The following ZNF800 variants were observed in gnomAD, a reference collection of about 807,000 sequenced individuals.
The protein encoded by ZNF800 is zinc finger protein 800.
Under a neutral mutation model 59.5 loss-of-function variants are expected in ZNF800, and 13 were observed. The ratio of observed to expected loss-of-function variants is 0.22; its 90% CI spans 0.14 to 0.35. The LOEUF (loss-of-function observed/expected upper bound fraction) is 0.35. Among genes scored for constraint, ZNF800 ranks in the 10% least tolerant of loss-of-function variants. The probability of loss-of-function intolerance (pLI) is 1.00; values close to 1 mark genes in which losing one functional copy is unlikely to be tolerated. For synonymous variants in ZNF800, 266 were observed against 265.7 expected, an observed-to-expected ratio of 1.00 and a Z score of -0.01; for missense variants, 621 against 783.7, an observed-to-expected ratio of 0.79 and a Z score of 2.48.
chr7:127,354,452 G>A (rs1200428162), intron 1 of ZNF800, among the ~76,000 whole-genome samples: 1 of 151,666 alleles, frequency 6.6e-6, no homozygotes, highest in South Asian at 2.1e-4. Flanking sequence ...AAAATCCCGG[G>A]CTCTACAATT....
intron 1 of ZNF800, chr7:127,364,827 T>A (rs1190613354): frequency 6.6e-6 from 1 of 152,092 alleles, no homozygotes; most frequent in African/African-American, 2.4e-5. Flanking sequence ...TCTTCTACTT[T>A]TTGTCATGAT....
chr7:127,376,209 T>C (rs779627084), intron 4 of ZNF800, among the ~76,000 whole-genome samples: 63 of 151,970 alleles, frequency 4.1e-4, no homozygotes, highest in Non-Finnish European at 6.5e-4. Context: ...CTGTATAATA[T>C]AACTTTAAGC....
At chr7:127,383,260 CA>C (rs1232043015) in intron 3 of ZNF800, among the ~76,000 whole-genome samples, 1 of 150,972 alleles carries the variant, frequency 6.6e-6, no homozygotes, top group East Asian at 1.9e-4. Flanking sequence ...GAAGGTGAGA[CA>C]CAAAAGGAGA....
chr7:127,386,789 T>G (rs1361642515), intron 2 of ZNF800, among the ~76,000 whole-genome samples: 1 of 152,234 alleles, frequency 6.6e-6, no homozygotes, highest in Non-Finnish European at 1.5e-5. Flanking sequence ...GACTTTTTCA[T>G]GGCTGTTAGA....
At chr7:127,383,319 A>C (rs1801027853) in intron 3 of ZNF800, among the ~76,000 whole-genome samples, 1 of 152,244 alleles carries the variant, frequency 6.6e-6, no homozygotes, top group East Asian at 1.9e-4. Flanking sequence ...ATAAAGGTAG[A>C]TAACCTAACA....
chr7:127,371,766 T>C lies in ZNF800; in HGVS notation c.*48A>G. ...GTGGTTCTAACACCAATTTAAAGTC[T>C]TTCCACAAAAATGAACTCCAAACCT... is the stretch of plus-strand genomic sequence containing the variant. On this transcript the variant is annotated 3_prime_UTR_variant, in exon 6 of 6. Transcript: ENST00000265827. 1 of 750,776 alleles carries C rather than the reference T, an allele frequency of 1.3e-6. No homozygotes were observed. Among genetic ancestry groups the C allele is most frequent in the Non-Finnish European group, 2.5e-6 (1 of 406,460 alleles). The allele number at this position is 750,776 out of a possible 1,614,324, so 46.5% of individuals were successfully genotyped here.
intron 2 of ZNF800, 89 bp from the exon 3 acceptor site, chr7:127,386,244 C>A (rs921368747): frequency 9.7e-6 from 7 of 723,478 alleles, no homozygotes; most frequent in African/African-American, 5.4e-5. Context: ...TGGCTTTCTA[C>A]AATTACATTA....
In ZNF800 at chr7:127,372,476, G is replaced by A. The variant is rs1373376900; in HGVS notation, c.*-662C>T. 60 of 404,434 alleles carry A rather than the reference G, an allele frequency of 1.5e-4. 1 individual carries two copies. In the South Asian group the frequency reaches 3.4e-3, roughly 23 times the overall value. 25.1% of individuals were successfully genotyped at this position (404,434 alleles called of 1,614,324 possible). A position where few individuals can be genotyped will look rare whatever the true frequency, so the allele number is the denominator to read the frequency against. ...GCCTGGGCAACAAGAGCGAAACTCC[G>A]TCTCAAAAAAAAAAAAAAAAAAGTA... On this transcript the variant is annotated intron_variant, in intron 5 of 5. Coordinates refer to ENST00000265827, the MANE Select transcript of ZNF800 (RefSeq NM_176814.5).
chr7:127,390,780 C>G (rs547871794), intron 2 of ZNF800, among the ~76,000 whole-genome samples: 1 of 152,250 alleles, frequency 6.6e-6, no homozygotes, highest in African/African-American at 2.4e-5. Context: ...TATCAAAGTT[C>G]TAAGTAGAAC....
chr7:127,382,310 C>A (rs901869305), intron 3 of ZNF800, among the ~76,000 whole-genome samples: 1 of 152,088 alleles, frequency 6.6e-6, no homozygotes, highest in African/African-American at 2.4e-5. Flanking sequence ...CTAAGAAATT[C>A]TGAAAGAATA....
chr7:127,344,889 TAGAC>T (rs1351462069), downstream of ZNF800, among the ~76,000 whole-genome samples: 7 of 151,996 alleles, frequency 4.6e-5, no homozygotes, highest in East Asian at 9.6e-4. Context: ...AAATAAAAAA[TAGAC>T]AGATATTTAT....
Position 127,374,712 on chromosome 7 carries a change from A to T in ZNF800, c.624T>A (p.Asp208Glu), listed in dbSNP as rs1219185666. Residue 208 changes from aspartate (D) to glutamate (E), a missense_variant, in exon 5 of 6, where the codon GAT (aspartate) becomes GAA (glutamate). Physicochemically the swap from Asp to Glu is conservative, Grantham distance 45. Around this residue, in one of 7 missense-constraint regions of ZNF800, gnomAD observed 218 missense variants for 230.8 expected, o/e 0.94. Coordinates refer to ENST00000265827, the MANE Select transcript of ZNF800 (RefSeq NM_176814.5). Reference protein sequence around the residue: ...IVTDEVAPTSDEQPQESQADL... With the variant: ...IVTDEVAPTSEEQPQESQADL... ...CAGCCTGCGACTCCTGAGGTTGTTC[A>T]TCAGATGTAGGTGCAACTTCATCTG... The T allele has an allele frequency of 6.2e-7, 1 of 1,614,062 alleles. No individual in the cohort carries two copies. The highest frequency in any genetic ancestry group is 1.3e-5 in the African/African-American group (1 of 75,040).
intron 2 of ZNF800, among the ~76,000 whole-genome samples, chr7:127,388,138 G>A (rs887669215): frequency 2.0e-5 from 3 of 151,876 alleles, no homozygotes; most frequent in Non-Finnish European, 4.4e-5. Flanking sequence ...AAATTATAGG[G>A]TTGTATAGGG....
downstream of ZNF800, among the ~76,000 whole-genome samples, chr7:127,365,984 A>C (rs1161716143): frequency 1.3e-5 from 2 of 152,168 alleles, no homozygotes; most frequent in African/African-American, 4.8e-5. Context: ...CACTATACAC[A>C]TCATTAAGCT....
chr7:127,382,204 C>G (rs1316226615), intron 3 of ZNF800, among the ~76,000 whole-genome samples: 1 of 152,128 alleles, frequency 6.6e-6, no homozygotes, highest in Non-Finnish European at 1.5e-5. Context: ...AAAGACCAGT[C>G]TTGAATACCA....
At chr7:127,381,714 C>T (rs1346313034) in intron 3 of ZNF800, among the ~76,000 whole-genome samples, 1 of 151,552 alleles carries the variant, frequency 6.6e-6, no homozygotes. Flanking sequence ...GTAAGGAAAA[C>T]AAATCTACTT....
At chr7:127,388,865 T>C (rs1801222285) in intron 2 of ZNF800, among the ~76,000 whole-genome samples, 2 of 152,184 alleles carry the variant, frequency 1.3e-5, no homozygotes, top group Non-Finnish European at 2.9e-5. Flanking sequence ...GAAAACATAC[T>C]CTCAACTCTA....
intron 1 of ZNF800, among the ~76,000 whole-genome samples, chr7:127,357,692 A>ATAGGTCTTACAGATTTTATCT (rs1174186944): frequency 3.5e-4 from 54 of 152,248 alleles, no homozygotes; most frequent in African/African-American, 1.2e-3. Flanking sequence ...ATCTTTTAAA[A>ATAGGTCTTACAGATTTTATCT]TAGGTCTTAC....
rs778626181 is a variant in ZNF800, at chr7:127,373,556, T to G, written c.1780A>C (p.Asn594His). Residue 594 changes from asparagine to histidine, a missense_variant, in exon 5 of 6, where the codon AAC becomes CAC. Transcript: ENST00000265827. ...HSDSKHDGTS[N>H]SPSKKYEVAD... is the part of the protein sequence containing the mutation. ...ACTTCATACTTTTTACTAGGAGAGT[T>G]AGAAGTGCCATCATGTTTTGAATCA... 1 of 1,614,076 alleles carries G rather than the reference T, an allele frequency of 6.2e-7. No individual in the cohort carries two copies. The highest frequency in any genetic ancestry group is 1.3e-5 in the African/African-American group (1 of 74,940).
Sources: gnomAD v4.1 joint callset for allele counts (sites outside exome capture counted in the v4.1 genomes callset) on GRCh38, gnomAD v4.1.1 for gene constraint, gnomAD v4.1.1 regional missense constraint, MANE v1.5 for transcripts, NCBI Gene and HGNC (gene_info 2026-07-23, HGNC 2026-07-21) for gene names.